Variants in BTBD9 observed in about 807,000 individuals in gnomAD.
The protein encoded by BTBD9 is BTB domain containing 9.
BTBD9 carries 49 observed loss-of-function variants against 64.3 expected under a neutral mutation model. The ratio of observed to expected loss-of-function variants is 0.76; its 90% confidence interval spans 0.61 to 0.97. The LOEUF (loss-of-function observed/expected upper bound fraction) is 0.97. BTBD9 is among the 50% of genes least tolerant of loss of function. BTBD9 has a pLI of 0.00. For missense variants in BTBD9, 598 were observed against 762.1 expected, an observed-to-expected ratio of 0.78 and a Z score of 2.53; for synonymous variants, 260 against 274.7, an observed-to-expected ratio of 0.95 and a Z score of 0.53.
At chr6:38,526,276 G>A (rs1006852946) in intron 6 of BTBD9, among the ~76,000 whole-genome samples, 2 of 152,226 alleles carry the variant, frequency 1.3e-5, no homozygotes, top group South Asian at 2.1e-4. Context: ...AAACACTGGC[G>A]GCTTCTAAGT....
chr6:38,205,755 G>A (rs762974371), intron 9 of BTBD9, among the ~76,000 whole-genome samples: 1 of 151,162 alleles, frequency 6.6e-6, no homozygotes. Context: ...ATGGTGGTGC[G>A]CACCTGTACT....
chr6:38,449,423 C>T (rs1769420429), intron 6 of BTBD9, among the ~76,000 whole-genome samples: 1 of 152,002 alleles, frequency 6.6e-6, no homozygotes. Flanking sequence ...AAAATAGACA[C>T]ATAGACTAGT....
chr6:38,438,549 T>C, intron 6 of BTBD9, among the ~76,000 whole-genome samples: 1 of 152,190 alleles, frequency 6.6e-6, no homozygotes, highest in Non-Finnish European at 1.5e-5. Flanking sequence ...CAAGGCAACA[T>C]TTTCAACACT....
intron 9 of BTBD9, among the ~76,000 whole-genome samples, chr6:38,237,840 T>TAA (rs1162654800): frequency 1.2e-4 from 11 of 88,744 alleles, no homozygotes; most frequent in South Asian, 8.4e-4. Flanking sequence ...TTCCAATGTT[T>TAA]TAAAAAAAAA....
At chr6:38,282,630 C>T (rs1338230680) in intron 8 of BTBD9, among the ~76,000 whole-genome samples, 1 of 152,164 alleles carries the variant, frequency 6.6e-6, no homozygotes, top group Middle Eastern at 3.2e-3. Flanking sequence ...AGCTATCTCT[C>T]AGCTGGCCAT....
At chr6:38,548,365 T>C (rs1027625418) in intron 6 of BTBD9, among the ~76,000 whole-genome samples, 3 of 152,258 alleles carry the variant, frequency 2.0e-5, no homozygotes, top group Non-Finnish European at 4.4e-5. Flanking sequence ...CTATTACGTA[T>C]GCTTTGTAAT....
At chr6:38,602,635 T>C (rs866489340) in intron 1 of BTBD9, among the ~76,000 whole-genome samples, 1 of 152,058 alleles carries the variant, frequency 6.6e-6, no homozygotes. Flanking sequence ...TTATTTGTAG[T>C]AAAACTATAA....
chr6:38,511,781 A>C (rs188339191), intron 6 of BTBD9, among the ~76,000 whole-genome samples: 1 of 152,174 alleles, frequency 6.6e-6, no homozygotes, highest in Admixed American at 6.5e-5. Context: ...TTCACATGGA[A>C]AGGCAAAAGG....
intron 6 of BTBD9, among the ~76,000 whole-genome samples, chr6:38,549,259 A>C (rs1041242701): frequency 1.3e-5 from 2 of 152,216 alleles, no homozygotes; most frequent in Non-Finnish European, 2.9e-5. Context: ...CTCTTTATGA[A>C]TCTCTATCAC....
chr6:38,532,855 T>C (rs1402001367), intron 6 of BTBD9, among the ~76,000 whole-genome samples: 1 of 151,584 alleles, frequency 6.6e-6, no homozygotes, highest in Non-Finnish European at 1.5e-5. Context: ...AGGGAGAGAC[T>C]CCTTCTGCTT....
intron 6 of BTBD9, among the ~76,000 whole-genome samples, chr6:38,394,948 TA>T (rs1281359639): frequency 3.5e-5 from 5 of 144,478 alleles, no homozygotes; most frequent in African/African-American, 1.3e-4. Flanking sequence ...ACAGATGATA[TA>T]ACCAAAAAAG....
At chr6:38,573,856 T>C (rs1022890274) in intron 6 of BTBD9, among the ~76,000 whole-genome samples, 7 of 152,178 alleles carry the variant, frequency 4.6e-5, no homozygotes, top group Non-Finnish European at 8.8e-5. Context: ...TTCTGTTTAG[T>C]ACTAGGCTCG....
chr6:38,328,656 G>A lies in BTBD9; in HGVS notation c.1264+16328C>T, dbSNP rs78471536. Among the ~76,000 whole-genome samples, 1,112 of 142,692 alleles carry A rather than the reference G, an allele frequency of 7.8e-3. 41 individuals carry two copies. In the East Asian group the frequency reaches 0.12, roughly 16 times the overall value. The allele number at this position is 142,692 out of a possible 152,430, so 93.6% of individuals were successfully genotyped here. ...AATTCATACATGCAATTAAAAATAC[G>A]TATATTTGGGGCCGGGCGCGGTGGC... On this transcript the variant is annotated intron_variant, in intron 7 of 10. Coordinates refer to ENST00000481247, the MANE Select transcript of BTBD9 (RefSeq NM_001099272.2).
rs1035450713 is a variant in BTBD9, at chr6:38,174,149, A to C, written c.*836T>G. The stretch of plus-strand genomic sequence containing the variant: ...TATCTACATGGACTTCGGAACAGTG[A>C]ATTAGCAGCGGGCATAGTAACTATT... On this transcript the variant is annotated 3_prime_UTR_variant, in exon 11 of 11. Transcript: ENST00000481247. 1 of 152,246 alleles carries C rather than the reference A, an allele frequency of 6.6e-6. No homozygotes were observed. The highest frequency in any genetic ancestry group is 2.4e-5 in the African/African-American group (1 of 41,448). The allele number at this position is 152,246 out of a possible 1,614,324, so 9.4% of individuals were successfully genotyped here. A position where few individuals can be genotyped will look rare whatever the true frequency, so the allele number is the denominator to read the frequency against.
chr6:38,390,258 T>C (rs1454068668), intron 6 of BTBD9, among the ~76,000 whole-genome samples: 1 of 152,212 alleles, frequency 6.6e-6, no homozygotes, highest in Non-Finnish European at 1.5e-5. Context: ...CTAATTTTTG[T>C]ATTTGTAGTA....
intron 6 of BTBD9, among the ~76,000 whole-genome samples, chr6:38,442,194 T>C (rs965836309): frequency 6.6e-6 from 1 of 152,096 alleles, no homozygotes; most frequent in Non-Finnish European, 1.5e-5. Context: ...ATTCCTATAA[T>C]AACAGAGTCT....
chr6:38,358,897 G>A (rs1025919290), intron 6 of BTBD9, among the ~76,000 whole-genome samples: 30 of 151,098 alleles, frequency 2.0e-4, no homozygotes, highest in Admixed American at 3.3e-4. Flanking sequence ...TCAGCCTCCC[G>A]AGTAGCTGGG....
intron 6 of BTBD9, among the ~76,000 whole-genome samples, chr6:38,416,032 ACATTG>A (rs1462944324): frequency 2.0e-5 from 3 of 152,212 alleles, no homozygotes; most frequent in Non-Finnish European, 4.4e-5. Flanking sequence ...AAGGCACTAT[ACATTG>A]CTAGAAATGT....
intron 9 of BTBD9, among the ~76,000 whole-genome samples, chr6:38,201,331 G>A (rs1582041744): frequency 1.3e-5 from 2 of 152,090 alleles, no homozygotes; most frequent in African/African-American, 4.8e-5. Flanking sequence ...CAACAAAATC[G>A]AGGACAAAAA....
Sources: allele counts gnomAD v4.1 joint callset (sites outside exome capture counted in the v4.1 genomes callset), GRCh38; gene constraint gnomAD v4.1.1; transcripts MANE v1.5; gene names NCBI Gene and HGNC (gene_info 2026-07-23, HGNC 2026-07-21).